The following TDRD9 variants were observed in gnomAD, a reference collection of about 807,000 sequenced individuals.
TDRD9 encodes tudor domain containing 9, also known as ATP-dependent RNA helicase TDRD9.
TDRD9 carries 124 observed loss-of-function variants against 172.6 expected under a neutral mutation model. That is an observed-to-expected ratio of 0.72 (90% confidence interval 0.62 to 0.83). The LOEUF (loss-of-function observed/expected upper bound fraction) is 0.83, where lower values mean the gene tolerates loss of function less well. Among genes scored for constraint, TDRD9 ranks in the 40% least tolerant of loss-of-function variants. The pLI, the probability that TDRD9 is intolerant of heterozygous loss-of-function variation, is 0.00. For synonymous variants in TDRD9, 619 were observed against 617.1 expected, an observed-to-expected ratio of 1.00 and a Z score of -0.05; for missense variants, 1,479 against 1,714.1, an observed-to-expected ratio of 0.86 and a Z score of 2.42.
chr14:104,006,941 T>C, intron 18 of TDRD9, 96 bp downstream of exon 18: 1 of 1,150,134 alleles, frequency 8.7e-7, no homozygotes, highest in East Asian at 2.5e-5. Context: ...AGACAATGTT[T>C]TATCTAGTGA....
At chr14:104,046,193 G>A (rs369114282) in intron 34 of TDRD9, among the ~76,000 whole-genome samples, 4 of 152,178 alleles carry the variant, frequency 2.6e-5, no homozygotes, top group African/African-American at 7.2e-5. Context: ...TTGACGTCGT[G>A]ATCTGCCCGC....
chr14:103,993,185 C>T (rs557833422), intron 9 of TDRD9, among the ~76,000 whole-genome samples: 49 of 151,590 alleles, frequency 3.2e-4, no homozygotes, highest in African/African-American at 1.1e-3. Flanking sequence ...AACTAGCTTG[C>T]ACAGGCTAGT....
At chr14:103,992,794 G>A (rs896632165) in intron 9 of TDRD9, among the ~76,000 whole-genome samples, 4 of 151,898 alleles carry the variant, frequency 2.6e-5, no homozygotes, top group South Asian at 2.1e-4. Context: ...GCATGGTGGC[G>A]GGCACCTGTG....
At chr14:104,002,868 C>T (rs558848696) in intron 13 of TDRD9, among the ~76,000 whole-genome samples, 17 of 152,020 alleles carry the variant, frequency 1.1e-4, no homozygotes, top group African/African-American at 4.1e-4. Flanking sequence ...GTAGCTGGGA[C>T]TACAGGCGCG....
Position 103,928,468 on chromosome 14 carries a change from G to A in TDRD9, c.-42G>A, listed in dbSNP as rs1312409085. ...TCCGCCGTCGCCTGTTCCCGCCGCG[G>A]AGACCCGGCAGTTGGGGGATGCCGA... On this transcript the variant is annotated 5_prime_UTR_variant, in exon 1 of 36. Transcript: ENST00000409874. The A allele has an allele frequency of 4.9e-6, 7 of 1,424,434 alleles. No individual in the cohort carries two copies. The highest frequency in any genetic ancestry group is 6.5e-6 in the Non-Finnish European group (7 of 1,079,668). 88.2% of individuals were successfully genotyped at this position (1,424,434 alleles called of 1,614,324 possible).
intron 23 of TDRD9, 142 bp from the exon 24 acceptor site, chr14:104,022,013 CAT>C (rs1218869855): frequency 1.6e-5 from 10 of 644,062 alleles, no homozygotes; most frequent in Admixed American, 1.3e-4. Context: ...GAAATTAATA[CAT>C]GTTATTGATT....
intron 34 of TDRD9, among the ~76,000 whole-genome samples, chr14:104,046,776 G>A (rs2035791970): frequency 6.6e-6 from 1 of 151,978 alleles, no homozygotes; most frequent in Non-Finnish European, 1.5e-5. Flanking sequence ...CTCCTGAGTA[G>A]CTGGGACTAC....
chr14:103,998,707 A>T lies in TDRD9; in HGVS notation c.1462A>T (p.Thr488Ser). 1.3e-6 allele frequency: 2 copies of T among 1,586,748 alleles called. No individual in the cohort carries two copies. The highest frequency in any genetic ancestry group is 1.7e-6 in the Non-Finnish European group (2 of 1,155,034). The change falls in exon 13 of 36, where the codon ACC becomes TCC. Residue 488 changes from threonine to serine, a missense_variant. Thr to Ser is a moderately conservative substitution (Grantham distance 58, BLOSUM62 1). Coordinates refer to ENST00000409874, the MANE Select transcript of TDRD9 (RefSeq NM_153046.3). Reference protein sequence around the residue: ...QSLRLSWASKTSCNQRKGRAG... With the variant: ...QSLRLSWASKSSCNQRKGRAG... Reference sequence around the variant, plus strand: ...TCTGCGATTGAGTTGGGCTTCTAAAACCAGCTGTAATCAGAGAAAAGGTAA... The same window carrying T: ...TCTGCGATTGAGTTGGGCTTCTAAATCCAGCTGTAATCAGAGAAAAGGTAA...
rs183202461 is a variant in TDRD9 at position 104,046,788 on chromosome 14, G to C, written c.3975-2820G>C. On this transcript the variant is annotated intron_variant, in intron 34 of 35. Coordinates refer to ENST00000409874, the MANE Select transcript of TDRD9 (RefSeq NM_153046.3). ...AGCCTCCTGAGTAGCTGGGACTACAGGTGCCCGCCACCACACCTGGCTAAT... is the reference window on the plus strand; with the variant it reads ...AGCCTCCTGAGTAGCTGGGACTACACGTGCCCGCCACCACACCTGGCTAAT... Among the ~76,000 whole-genome samples the C allele has an allele frequency of 3.8e-3, 577 of 152,158 alleles. 22 individuals carry two copies. Among genetic ancestry groups the C allele is most frequent in the Admixed American group, 0.034 (519 of 15,292 alleles).
intron 6 of TDRD9, among the ~76,000 whole-genome samples, chr14:103,971,928 G>A (rs1481636110): frequency 6.6e-6 from 1 of 152,124 alleles, no homozygotes; most frequent in African/African-American, 2.4e-5. Flanking sequence ...GGCAAAGGTG[G>A]GCAGATTGCT....
chr14:104,024,874 G>A (rs911987053), intron 25 of TDRD9, among the ~76,000 whole-genome samples, 194 bp downstream of exon 25: 2 of 151,666 alleles, frequency 1.3e-5, no homozygotes, highest in Non-Finnish European at 1.5e-5. Flanking sequence ...TGACTAAAAT[G>A]GAAATTGAAA....
intron 24 of TDRD9, among the ~76,000 whole-genome samples, chr14:104,022,757 TAAATAAAA>T (rs1169974384): frequency 6.6e-6 from 1 of 151,222 alleles, no homozygotes; most frequent in Non-Finnish European, 1.5e-5. Flanking sequence ...AATAAATAAA[TAAATAAAA>T]AAGCACTGGC....
intron 8 of TDRD9, 64 bp from the exon 9 acceptor site, chr14:103,991,096 T>A: frequency 6.3e-7 from 1 of 1,589,638 alleles, no homozygotes; most frequent in Non-Finnish European, 8.6e-7. Flanking sequence ...AATATTAGGA[T>A]TTTAGAGAAG....
chr14:103,965,571 G>C lies in TDRD9; in HGVS notation c.642+17G>C. 6.6e-7 allele frequency: 1 copy of C among 1,518,228 alleles called. No homozygotes were observed. Among genetic ancestry groups the C allele is most frequent in the African/African-American group, 1.4e-5 (1 of 72,270 alleles). 94.0% of individuals were successfully genotyped at this position (1,518,228 alleles called of 1,614,324 possible). A position where few individuals can be genotyped will look rare whatever the true frequency, so the allele number is the denominator to read the frequency against. On this transcript the variant is annotated intron_variant, in intron 4 of 35. Coordinates refer to ENST00000409874, the MANE Select transcript of TDRD9 (RefSeq NM_153046.3). Reference sequence around the variant, plus strand: ...GGCTACCAGGTGAGACTGGGAGGGAGGGAGGGACTAAGAGAGCCAGCTGTC... The same window carrying C: ...GGCTACCAGGTGAGACTGGGAGGGACGGAGGGACTAAGAGAGCCAGCTGTC...
chr14:104,031,947 T>C (rs569262479), intron 29 of TDRD9, 70 bp from the exon 30 acceptor site: 1 of 1,069,314 alleles, frequency 9.4e-7, no homozygotes, highest in South Asian at 1.6e-5. Flanking sequence ...AGCTGACTTT[T>C]GAGTTTTAAA....
intron 1 of TDRD9, among the ~76,000 whole-genome samples, chr14:103,934,118 G>A (rs191804678): frequency 1.1e-3 from 165 of 152,172 alleles, no homozygotes; most frequent in Non-Finnish European, 3.5e-4. Flanking sequence ...CTGTGCTCAA[G>A]CAATTTTCCT....
chr14:103,972,641 T>C (rs1009135800), intron 6 of TDRD9, among the ~76,000 whole-genome samples: 1 of 152,230 alleles, frequency 6.6e-6, no homozygotes, highest in East Asian at 1.9e-4. Context: ...GTTGGGTTAT[T>C]CAGTTATTCT....
chr14:104,032,496 T>C (rs1475347183), intron 30 of TDRD9, among the ~76,000 whole-genome samples: 1 of 152,164 alleles, frequency 6.6e-6, no homozygotes, highest in Non-Finnish European at 1.5e-5. Context: ...TGAGCCACCA[T>C]GCCCGGCCGG....
At chr14:104,044,978 A>G (rs1457643503) in intron 34 of TDRD9, among the ~76,000 whole-genome samples, 2 of 152,164 alleles carry the variant, frequency 1.3e-5, no homozygotes, top group Admixed American at 1.3e-4. Flanking sequence ...CCCTGTCTCT[A>G]CTAAAAACAC....
Sources: gnomAD v4.1 joint callset for allele counts (sites outside exome capture counted in the v4.1 genomes callset) on GRCh38, gnomAD v4.1.1 for gene constraint, MANE v1.5 for transcripts, NCBI Gene and HGNC (gene_info 2026-07-23, HGNC 2026-07-21) for gene names.